Variants in SDK1 observed in about 807,000 individuals in gnomAD.
SDK1 encodes sidekick cell adhesion molecule 1.
SDK1 carries 157 observed loss-of-function variants against 245.5 expected under a neutral mutation model. That is an observed-to-expected ratio of 0.64 (90% CI 0.56 to 0.73). The LOEUF (loss-of-function observed/expected upper bound fraction) is 0.73. Ranked by LOEUF, SDK1 falls within the 30% of genes least tolerant of loss-of-function variation. The probability of loss-of-function intolerance (pLI) is 0.00; values close to 1 mark genes in which losing one functional copy is unlikely to be tolerated. For synonymous variants in SDK1, 1,647 were observed against 1,278.5 expected (o/e 1.29, Z -6.15); for missense variants, 3,583 against 3,002.3 (o/e 1.19, Z -4.52).
chr7:4,172,189 A>C (rs1781886094), intron 32 of SDK1, among the ~76,000 whole-genome samples: 1 of 152,236 alleles, frequency 6.6e-6, no homozygotes, highest in African/African-American at 2.4e-5. Flanking sequence ...GGTGTCAGAA[A>C]GTCCTCAGAG....
At chr7:3,436,769 T>G (rs1780033466) in intron 1 of SDK1, among the ~76,000 whole-genome samples, 1 of 152,182 alleles carries the variant, frequency 6.6e-6, no homozygotes, top group African/African-American at 2.4e-5. Context: ...TTGTCCTCAC[T>G]GTCTTCCCCT....
At chr7:3,445,144 C>G (rs1434366761) in intron 1 of SDK1, among the ~76,000 whole-genome samples, 1 of 152,062 alleles carries the variant, frequency 6.6e-6, no homozygotes, top group African/African-American at 2.4e-5. Context: ...ATATTAAAAA[C>G]CTACTAGCTG....
chr7:4,135,867 G>A (rs922013347), intron 28 of SDK1, among the ~76,000 whole-genome samples: 3 of 152,312 alleles, frequency 2.0e-5, no homozygotes, highest in Middle Eastern at 3.4e-3. Context: ...TAGACCATTG[G>A]GGGCTCAGCC....
At chr7:3,823,420 T>C (rs1332660722) in intron 5 of SDK1, among the ~76,000 whole-genome samples, 5 of 152,224 alleles carry the variant, frequency 3.3e-5, no homozygotes, top group African/African-American at 4.8e-5. Context: ...ATTATTCCAC[T>C]GAAACTGTTT....
chr7:3,491,921 C>T (rs1029894116), intron 1 of SDK1, among the ~76,000 whole-genome samples: 2 of 151,964 alleles, frequency 1.3e-5, no homozygotes, highest in African/African-American at 4.8e-5. Context: ...TATTGATGAC[C>T]ACTGTTTAGC....
At chr7:3,775,465 A>G (rs73672171) in intron 4 of SDK1, among the ~76,000 whole-genome samples, 4,239 of 151,520 alleles carry the variant, frequency 0.028, 195 homozygotes, top group African/African-American at 0.099. Context: ...TGTTTCCCAG[A>G]CCAGATGTAT....
chr7:4,264,325 A>T (rs1279423401), intron 44 of SDK1, among the ~76,000 whole-genome samples: 1 of 138,012 alleles, frequency 7.2e-6, no homozygotes, highest in African/African-American at 2.7e-5. Flanking sequence ...TGAGTGAGGG[A>T]GGCCGCGTAG....
At chr7:3,847,918 A>G (rs566579193) in intron 5 of SDK1, among the ~76,000 whole-genome samples, 45 of 152,372 alleles carry the variant, frequency 3.0e-4, no homozygotes, top group Non-Finnish European at 5.7e-4. Flanking sequence ...CACCCCTCCC[A>G]GAATTAGACC....
At chr7:3,810,214 C>T (rs568339272) in intron 4 of SDK1, among the ~76,000 whole-genome samples, 1 of 152,252 alleles carries the variant, frequency 6.6e-6, no homozygotes, top group African/African-American at 2.4e-5. Flanking sequence ...TTTTAGACGC[C>T]TTTCTGTCCT....
At chr7:3,427,134 C>T (rs1347910371) in intron 1 of SDK1, among the ~76,000 whole-genome samples, 1 of 152,140 alleles carries the variant, frequency 6.6e-6, no homozygotes, top group Non-Finnish European at 1.5e-5. Context: ...TTCCCATGAC[C>T]TTTGAATGTT....
At chr7:3,916,737 A>G (rs1779393557) in intron 5 of SDK1, among the ~76,000 whole-genome samples, 1 of 152,222 alleles carries the variant, frequency 6.6e-6, no homozygotes, top group Admixed American at 6.5e-5. Flanking sequence ...AAATTTAGCA[A>G]TATTCTTCCC....
At chr7:4,249,977 C>A (rs1787185034) in intron 44 of SDK1, among the ~76,000 whole-genome samples, 1 of 152,154 alleles carries the variant, frequency 6.6e-6, no homozygotes, top group East Asian at 1.9e-4. Flanking sequence ...AATTTTAGAA[C>A]ATTTCCATCA....
At chr7:3,828,331 A>G (rs2115069420) in intron 5 of SDK1, among the ~76,000 whole-genome samples, 1 of 152,126 alleles carries the variant, frequency 6.6e-6, no homozygotes, top group South Asian at 2.1e-4. Flanking sequence ...TTTGGCATAT[A>G]ACTTAGAAGG....
intron 4 of SDK1, among the ~76,000 whole-genome samples, chr7:3,661,132 G>C (rs1783341817): frequency 6.6e-6 from 1 of 152,142 alleles, no homozygotes; most frequent in South Asian, 2.1e-4. Context: ...ATTTACCTGA[G>C]CTTTGTTGAG....
intron 5 of SDK1, among the ~76,000 whole-genome samples, chr7:3,828,287 T>A (rs1779827600): frequency 6.6e-6 from 1 of 151,706 alleles, no homozygotes; most frequent in Non-Finnish European, 1.5e-5. Flanking sequence ...AAAACAAAAA[T>A]AATAATAATA....
intron 4 of SDK1, among the ~76,000 whole-genome samples, chr7:3,730,062 A>G (rs2115039617): frequency 6.6e-6 from 1 of 152,242 alleles, no homozygotes; most frequent in South Asian, 2.1e-4. Flanking sequence ...GTACTTGGGT[A>G]CACATGGATT....
At chr7:4,183,014 G>A (rs1009361574) in intron 35 of SDK1, among the ~76,000 whole-genome samples, 2 of 152,212 alleles carry the variant, frequency 1.3e-5, no homozygotes, top group Non-Finnish European at 2.9e-5. Flanking sequence ...AGGGCTCAGA[G>A]GTTAGTTTTT....
intron 5 of SDK1, among the ~76,000 whole-genome samples, chr7:3,888,108 C>T (rs1264156048): frequency 6.6e-6 from 1 of 152,210 alleles, no homozygotes; most frequent in East Asian, 1.9e-4. Context: ...CTTACTGAAA[C>T]AAATGGTTGA....
Position 3,974,661 on chromosome 7 carries a change from C to G in SDK1, c.1994+116C>G, listed in dbSNP as rs1229940961. The G allele has an allele frequency of 5.2e-5, 47 of 907,708 alleles. No individual in the cohort carries two copies. In the South Asian group the frequency reaches 7.2e-4, roughly 14 times the overall value. The allele number at this position is 907,708 out of a possible 1,614,324, so 56.2% of individuals were successfully genotyped here. ...CCGGCTTGTGTCCCAAGTCAGCGGT[C>G]AGAGGCCAGCGCATCATGCTGCATA... On this transcript the variant is annotated intron_variant, in intron 13 of 44. Coordinates refer to ENST00000404826, the MANE Select transcript of SDK1 (RefSeq NM_152744.4).
Sources: allele counts gnomAD v4.1 joint callset (sites outside exome capture counted in the v4.1 genomes callset), GRCh38; gene constraint gnomAD v4.1.1; transcripts MANE v1.5; gene names NCBI Gene and HGNC (gene_info 2026-07-23, HGNC 2026-07-21).